Variants in SLC24A5 observed in about 807,000 individuals in gnomAD.
SLC24A5 encodes sodium/potassium/calcium exchanger 5.
SLC24A5 carries 46 observed loss-of-function variants against 51.6 expected under a neutral mutation model. The ratio of observed to expected loss-of-function variants is 0.89; its 90% confidence interval spans 0.70 to 1.14. The LOEUF (loss-of-function observed/expected upper bound fraction) is 1.14, where lower values mean the gene tolerates loss of function less well. Ranked by LOEUF, SLC24A5 falls within the 50% of genes most tolerant of loss-of-function variation. The pLI is 0.00. For missense variants in SLC24A5, 581 were observed against 604.1 expected, an observed-to-expected ratio of 0.96 and a Z score of 0.40; for synonymous variants, 230 against 214.9, an observed-to-expected ratio of 1.07 and a Z score of -0.62.
intron 2 of SLC24A5, chr15:48,124,578 T>C (rs1748038170): frequency 6.6e-6 from 1 of 152,200 alleles, no homozygotes; most frequent in South Asian, 2.1e-4. Context: ...TCAAGAATTT[T>C]ATTATAAAAA....
intron 8 of SLC24A5, 134 bp from the exon 9 acceptor site, chr15:48,141,895 G>A: frequency 1.7e-6 from 1 of 581,472 alleles, no homozygotes; most frequent in East Asian, 2.8e-5. Context: ...AATTCAGTAA[G>A]ACTTTTGCTC....
chr15:48,121,862 A>G lies in SLC24A5; in HGVS notation c.127A>G (p.Ser43Gly), dbSNP rs1386032244. Residue 43 changes from serine to glycine, a missense_variant, in exon 2 of 9, where the codon AGC becomes GGC. Physicochemically the swap from Ser to Gly is moderately conservative, Grantham distance 56 (BLOSUM62 0). Transcript: ENST00000341459. ...PQRLPRATGN[S>G]TQCVISPSSE... The stretch of plus-strand genomic sequence containing the variant: ...CACCTCCTTTTCCTTAACAGGAAAT[A>G]GCACCCAATGTGTTATTTCTCCATC... 6.2e-7 allele frequency: 1 copy of G among 1,614,060 alleles called. No homozygotes were observed. Among genetic ancestry groups the G allele is most frequent in the African/African-American group, 1.3e-5 (1 of 74,948 alleles).
intron 2 of SLC24A5, chr15:48,122,250 CAG>C: frequency 1.7e-6 from 1 of 598,330 alleles, no homozygotes; most frequent in Non-Finnish European, 3.0e-6. Flanking sequence ...TAGAACCCGG[CAG>C]TTATTATTTT....
chr15:48,138,950 T>A lies in SLC24A5; in HGVS notation c.872-19T>A. On this transcript the variant is annotated intron_variant, in intron 6 of 8. Coordinates refer to ENST00000341459, the MANE Select transcript of SLC24A5 (RefSeq NM_205850.3). The stretch of plus-strand genomic sequence containing the variant: ...AGCCATTTGAGAAAACTCAAAAGTG[T>A]TTACTTTTTCCACAACAGATCCACC... The A allele has an allele frequency of 3.8e-6, 6 of 1,586,954 alleles. No individual in the cohort carries two copies. The highest frequency in any genetic ancestry group is 4.3e-6 in the Non-Finnish European group (5 of 1,164,182).
chr15:48,141,605 A>C (rs2039090113), intron 8 of SLC24A5: 1 of 162,470 alleles, frequency 6.2e-6, no homozygotes. Flanking sequence ...AAAAAAAAAA[A>C]AAAAGTTTAC....
chr15:48,123,483 T>C (rs562515141), intron 2 of SLC24A5: 9 of 152,280 alleles, frequency 5.9e-5, no homozygotes, highest in African/African-American at 1.9e-4. Context: ...CCAATATTAT[T>C]AAACATTCTT....
In SLC24A5 at chr15:48,142,310, G is replaced by C; in HGVS notation, c.1462G>C (p.Gly488Arg). ...TACATTATCAGTTCTATATGAACTT[G>C]GAATTATTGGAAATAATAAAATAAG... is the stretch of plus-strand genomic sequence containing the variant. ...LATLSVLYELGIIGNNKIRGC... is the reference protein window; with the variant it reads ...LATLSVLYELRIIGNNKIRGC... Residue 488 changes from glycine (G) to arginine (R), a missense_variant, in exon 9 of 9, where the codon GGA (glycine) becomes CGA (arginine). Gly to Arg is a moderately radical substitution (Grantham distance 125). Coordinates refer to ENST00000341459, the MANE Select transcript of SLC24A5 (RefSeq NM_205850.3). 6.2e-7 allele frequency: 1 copy of C among 1,609,174 alleles called. No homozygotes were observed. The highest frequency in any genetic ancestry group is 1.1e-5 in the South Asian group (1 of 90,444).
At chr15:48,131,264 T>G (rs1218026269) in intron 2 of SLC24A5, among the ~76,000 whole-genome samples, 4 of 152,166 alleles carry the variant, frequency 2.6e-5, no homozygotes, top group African/African-American at 4.8e-5. Flanking sequence ...ACACACTGGT[T>G]AGAGTGATTA....
intron 2 of SLC24A5, among the ~76,000 whole-genome samples, chr15:48,128,595 C>T (rs2038756595): frequency 6.6e-6 from 1 of 152,126 alleles, no homozygotes; most frequent in South Asian, 2.1e-4. Context: ...CCTACAGTTT[C>T]AGGGGATTGT....
At position 48,142,555 on chromosome 15, in the gene SLC24A5, G is replaced by T. The variant is rs555752136; in HGVS notation, c.*204G>T. The stretch of plus-strand genomic sequence containing the variant: ...ATTACATATTATAAAACAGAAGTTT[G>T]GGGGGAAAAAATCTATGTTTTACCA... On this transcript the variant is annotated 3_prime_UTR_variant, in exon 9 of 9. Coordinates refer to ENST00000341459, the MANE Select transcript of SLC24A5 (RefSeq NM_205850.3). 3 of 481,848 alleles carry T rather than the reference G, an allele frequency of 6.2e-6. No homozygotes were observed. Among genetic ancestry groups the T allele is most frequent in the African/African-American group, 2.0e-5 (1 of 50,478 alleles). The allele number at this position is 481,848 out of a possible 1,614,324, so 29.8% of individuals were successfully genotyped here. A position where few individuals can be genotyped will look rare whatever the true frequency, so the allele number is the denominator to read the frequency against.
chr15:48,127,601 C>T (rs879589510), intron 2 of SLC24A5, among the ~76,000 whole-genome samples: 3 of 151,934 alleles, frequency 2.0e-5, no homozygotes, highest in Non-Finnish European at 4.4e-5. Context: ...GGTGGATTAC[C>T]TGAGCCCAGG....
At chr15:48,130,484 G>A (rs1029759780) in intron 2 of SLC24A5, among the ~76,000 whole-genome samples, 2 of 152,134 alleles carry the variant, frequency 1.3e-5, no homozygotes, top group African/African-American at 4.8e-5. Flanking sequence ...TTTTGGGACT[G>A]AAACTTTTCT....
chr15:48,123,745 C>T (rs1005545657), intron 2 of SLC24A5: 14 of 152,092 alleles, frequency 9.2e-5, no homozygotes, highest in Admixed American at 3.9e-4. Context: ...TATTTTAAGT[C>T]TTATGATATA....
At chr15:48,137,526 T>G (rs2038932140) in intron 6 of SLC24A5, 1 of 152,156 alleles carries the variant, frequency 6.6e-6, no homozygotes, top group South Asian at 2.1e-4. Flanking sequence ...TTACCCAAAA[T>G]GATGTTCACC....
At chr15:48,137,169 A>T in intron 6 of SLC24A5, 2 of 521,518 alleles carry the variant, frequency 3.8e-6, no homozygotes, top group Non-Finnish European at 6.5e-6. Flanking sequence ...TAAGTACCAT[A>T]AAAAGAGAAA....
chr15:48,136,254 A>C (rs2038896460), intron 5 of SLC24A5: 1 of 152,610 alleles, frequency 6.6e-6, no homozygotes, highest in South Asian at 2.1e-4. Flanking sequence ...GGACAGTTGA[A>C]ATAACTTAAC....
At chr15:48,123,207 T>C (rs1377234953) in intron 2 of SLC24A5, 1 of 151,726 alleles carries the variant, frequency 6.6e-6, no homozygotes. Context: ...ATTACAATTT[T>C]TCTTAAGTAG....
chr15:48,123,605 A>C (rs1012917776), intron 2 of SLC24A5: 6 of 152,216 alleles, frequency 3.9e-5, no homozygotes, highest in Non-Finnish European at 8.8e-5. Flanking sequence ...TTATCATAAA[A>C]TTTAAAACTA....
chr15:48,131,831 G>C (rs2038792845), intron 2 of SLC24A5, among the ~76,000 whole-genome samples: 1 of 152,124 alleles, frequency 6.6e-6, no homozygotes, highest in South Asian at 2.1e-4. Context: ...AAACAGAATA[G>C]AGGGCCTGGC....
Sources: gnomAD v4.1 joint callset for allele counts (sites outside exome capture counted in the v4.1 genomes callset) on GRCh38, gnomAD v4.1.1 for gene constraint, MANE v1.5 for transcripts, NCBI Gene and HGNC (gene_info 2026-07-23, HGNC 2026-07-21) for gene names.